MCMDC2: variants seen among roughly 807,000 people sequenced by gnomAD.
MCMDC2 encodes minichromosome maintenance domain containing 2.
MCMDC2 carries 54 observed loss-of-function variants against 75.8 expected under a neutral mutation model. That is an observed-to-expected ratio of 0.71 (90% confidence interval 0.57 to 0.89). MCMDC2 has a LOEUF of 0.89. Among genes scored for constraint, MCMDC2 ranks in the 40% least tolerant of loss-of-function variants. The pLI is 0.00. For missense variants in MCMDC2, 656 were observed against 780.4 expected, an observed-to-expected ratio of 0.84 and a Z score of 1.90; for synonymous variants, 249 against 274.6, an observed-to-expected ratio of 0.91 and a Z score of 0.92.
chr8:66,917,611 C>A (rs189400929), intron 14 of MCMDC2, among the ~76,000 whole-genome samples: 1 of 152,248 alleles, frequency 6.6e-6, no homozygotes, highest in East Asian at 1.9e-4. Flanking sequence ...ACTCTACTGC[C>A]TCTATGAATT....
At chr8:66,878,419 A>T (rs1811400595) in intron 5 of MCMDC2, among the ~76,000 whole-genome samples, 155 bp from the exon 6 acceptor site, 1 of 152,234 alleles carries the variant, frequency 6.6e-6, no homozygotes, top group Non-Finnish European at 1.5e-5. Context: ...TTTGAATTAG[A>T]CTAATTTTAA....
At chr8:66,889,037 T>G (rs762516110) in intron 9 of MCMDC2, among the ~76,000 whole-genome samples, 11 of 152,200 alleles carry the variant, frequency 7.2e-5, no homozygotes, top group Non-Finnish European at 1.3e-4. Context: ...TCATTTTATA[T>G]ATCTTCAAAC....
chr8:66,902,407 A>AC (rs1246146983), intron 13 of MCMDC2, among the ~76,000 whole-genome samples: 1 of 150,176 alleles, frequency 6.7e-6, no homozygotes. Context: ...AAAAAAAAAA[A>AC]GCCTGGCCTA....
chr8:66,896,386 T>G, intron 11 of MCMDC2, 50 bp downstream of exon 11: 2 of 1,484,544 alleles, frequency 1.3e-6, no homozygotes, highest in Non-Finnish European at 1.8e-6. Context: ...AGGAATAAAG[T>G]CATAAATTTT....
intron 12 of MCMDC2, among the ~76,000 whole-genome samples, chr8:66,899,667 T>A (rs930433042): frequency 3.3e-5 from 5 of 151,888 alleles, no homozygotes; most frequent in Admixed American, 6.6e-5. Context: ...GGCTAATTTT[T>A]TTGTATTTTT....
At chr8:66,903,514 CT>C (rs1461186498) in intron 13 of MCMDC2, among the ~76,000 whole-genome samples, 129 of 152,290 alleles carry the variant, frequency 8.5e-4, no homozygotes, top group Middle Eastern at 3.4e-3. Context: ...ACTGTTTAAA[CT>C]ATGGTACTGC....
At chr8:66,891,094 T>C (rs972509046) in intron 10 of MCMDC2, 24 bp downstream of exon 10, 1 of 1,561,700 alleles carries the variant, frequency 6.4e-7, no homozygotes, top group African/African-American at 1.4e-5. Flanking sequence ...TTTAAATTAA[T>C]TTTCACCCGT....
chr8:66,889,713 C>A (rs754109826), intron 9 of MCMDC2, among the ~76,000 whole-genome samples: 1 of 152,090 alleles, frequency 6.6e-6, no homozygotes, highest in Non-Finnish European at 1.5e-5. Flanking sequence ...GAAGGAGAAT[C>A]GTTTGAGCCT....
chr8:66,925,791 ACT>A (rs1271787918), downstream of MCMDC2, among the ~76,000 whole-genome samples: 1 of 152,068 alleles, frequency 6.6e-6, no homozygotes, highest in Admixed American at 6.5e-5. Context: ...CTCAGGAGTA[ACT>A]CTGCTAGAGC....
chr8:66,908,156 C>T (rs1200729512), intron 14 of MCMDC2, among the ~76,000 whole-genome samples: 1 of 152,136 alleles, frequency 6.6e-6, no homozygotes, highest in African/African-American at 2.4e-5. Flanking sequence ...TGCCTGTGTC[C>T]TAAATGGTGT....
chr8:66,882,976 C>G (rs74953600), intron 8 of MCMDC2, among the ~76,000 whole-genome samples: 3 of 152,018 alleles, frequency 2.0e-5, no homozygotes, highest in Non-Finnish European at 4.4e-5. Flanking sequence ...CCAAATGTGG[C>G]AAGAGCTGGA....
At chr8:66,925,104 G>A (rs947914873), downstream of MCMDC2, among the ~76,000 whole-genome samples, 3 of 152,216 alleles carry the variant, frequency 2.0e-5, no homozygotes, top group Admixed American at 6.5e-5. Context: ...GCCAAGACCG[G>A]GTGGAGCACG....
chr8:66,874,151 TA>T lies in MCMDC2; in HGVS notation c.16del (p.Met6Ter), dbSNP rs1563673133. On this transcript the variant is annotated frameshift_variant, in exon 2 of 15. Transcript: ENST00000422365. LOFTEE classifies it high-confidence loss of function. ...ATTAACCAGGAGAAAATGTCAAATC[TA>T]AAAATGAAAGAGGCGGCCCTCATCT... is the stretch of plus-strand genomic sequence containing the variant. MSN[L>X]KMKEAALIYL... 2 of 1,590,104 alleles carry T rather than the reference TA, an allele frequency of 1.3e-6. No individual in the cohort carries two copies. The highest frequency in any genetic ancestry group is 1.7e-6 in the Non-Finnish European group (2 of 1,173,048).
chr8:66,914,827 G>A (rs1263075546), intron 14 of MCMDC2, among the ~76,000 whole-genome samples: 2 of 152,048 alleles, frequency 1.3e-5, no homozygotes, highest in Non-Finnish European at 2.9e-5. Context: ...GTGAATTAGA[G>A]ATACACGTTA....
At chr8:66,918,311 T>C (rs1299628735) in intron 14 of MCMDC2, among the ~76,000 whole-genome samples, 3 of 152,202 alleles carry the variant, frequency 2.0e-5, no homozygotes, top group Non-Finnish European at 4.4e-5. Flanking sequence ...TCCCATTCCA[T>C]AGGTTGCCTT....
At chr8:66,916,729 C>T (rs989262661) in intron 14 of MCMDC2, among the ~76,000 whole-genome samples, 1 of 152,102 alleles carries the variant, frequency 6.6e-6, no homozygotes, top group African/African-American at 2.4e-5. Flanking sequence ...AGACCTGAAA[C>T]ATTTGAGCAA....
intron 13 of MCMDC2, 198 bp downstream of exon 13, chr8:66,901,546 A>G: frequency 7.9e-7 from 1 of 1,266,318 alleles, no homozygotes. Context: ...AATCTCTAAT[A>G]ATTTTTTTAC....
chr8:66,878,035 C>T (rs116361645), intron 5 of MCMDC2, among the ~76,000 whole-genome samples: 160 of 152,006 alleles, frequency 1.1e-3, no homozygotes, highest in African/African-American at 3.6e-3. Context: ...TTTTCTCCCC[C>T]GCCCCCATCT....
At chr8:66,874,912 C>T (rs113444270) in intron 4 of MCMDC2, among the ~76,000 whole-genome samples, 9 of 151,948 alleles carry the variant, frequency 5.9e-5, no homozygotes, top group South Asian at 2.1e-4. Context: ...CCCACCACCA[C>T]GCTCAGCTAA....
Sources: allele counts gnomAD v4.1 joint callset (sites outside exome capture counted in the v4.1 genomes callset), GRCh38; gene constraint gnomAD v4.1.1; transcripts MANE v1.5; gene names NCBI Gene and HGNC (gene_info 2026-07-23, HGNC 2026-07-21).